SERPINH1: variants seen among roughly 807,000 people sequenced by gnomAD.
SERPINH1 encodes the protein serpin H1.
A neutral mutation model predicts 32.3 loss-of-function variants in SERPINH1; 22 were observed. That is an observed-to-expected ratio of 0.68 (90% confidence interval 0.49 to 0.97). The LOEUF is 0.97. SERPINH1 is among the 50% of genes least tolerant of loss of function. The pLI is 0.00. For synonymous variants in SERPINH1, 251 were observed against 245.9 expected (o/e 1.02, Z -0.19); for missense variants, 543 against 576.4 (o/e 0.94, Z 0.59).
Position 75,571,987 on chromosome 11 carries a change from CT to C in SERPINH1, c.1163del (p.Phe388SerfsTer4), listed in dbSNP as rs780318381. On this transcript the variant is annotated frameshift_variant, in exon 5 of 5. Coordinates refer to ENST00000358171, the MANE Select transcript of SERPINH1 (RefSeq NM_001235.5). LOFTEE classifies it high-confidence loss of function. ...CCAAGCTGTTCTACGCCGACCACCC[CT>C]TCATCTTCCTAGTGCGGGACACCCA... is the stretch of plus-strand genomic sequence containing the variant. ...SPKLFYADHP[F>X]IFLVRDTQSG... The C allele has an allele frequency of 6.2e-7, 1 of 1,614,216 alleles. No homozygotes were observed. Among genetic ancestry groups the C allele is most frequent in the Admixed American group, 1.7e-5 (1 of 60,026 alleles).
chr11:75,569,450 TCTCA>T (rs1468837761), intron 4 of SERPINH1: 6 of 298,502 alleles, frequency 2.0e-5, no homozygotes, highest in Non-Finnish European at 3.7e-5. Context: ...TGAGATGGAG[TCTCA>T]CTCTGTTGCC....
chr11:75,568,727 A>G lies in SERPINH1; in HGVS notation c.623-4A>G, dbSNP rs1199170807. 1.9e-6 allele frequency: 3 copies of G among 1,610,108 alleles called. No individual in the cohort carries two copies. The highest frequency in any genetic ancestry group is 1.1e-5 in the South Asian group (1 of 90,972). ...TCTGACCCTGTGTTTTGCCCCAACT[A>G]CAGCACACTGGGATGAGAAATTCCA... On this transcript the variant is annotated splice_region_variant and splice_polypyrimidine_tract_variant and intron_variant, in intron 2 of 4. Coordinates refer to ENST00000358171, the MANE Select transcript of SERPINH1 (RefSeq NM_001235.5).
rs779144412 is a variant in SERPINH1 at position 75,566,560 on chromosome 11, C to A, written c.211C>A (p.Pro71Thr). ...GGCAGTGGAGAACATCCTGGTGTCA[C>A]CCGTGGTGGTGGCCTCGTCGCTAGG... ...DQAVENILVS[P>T]VVVASSLGLV... The change falls in exon 2 of 5, where the codon CCC (proline) becomes ACC (threonine). Residue 71 changes from proline to threonine, a missense_variant. Around this residue, in one of 3 missense-constraint regions of SERPINH1, gnomAD observed 109 missense variants for 102.4 expected, o/e 1.06. Transcript: ENST00000358171. The A allele has an allele frequency of 6.2e-7, 1 of 1,610,476 alleles. No individual in the cohort carries two copies. The highest frequency in any genetic ancestry group is 8.5e-7 in the Non-Finnish European group (1 of 1,179,494).
intron 4 of SERPINH1, among the ~76,000 whole-genome samples, chr11:75,571,182 C>T (rs531919363): frequency 6.6e-6 from 1 of 152,262 alleles, no homozygotes; most frequent in South Asian, 2.1e-4. Context: ...AAGTGTCTGT[C>T]GCCCAGCTTC....
intron 4 of SERPINH1, chr11:75,569,376 G>A (rs1942158008): frequency 1.3e-5 from 8 of 592,624 alleles, no homozygotes; most frequent in Admixed American, 5.9e-5. Context: ...TAAATATAAC[G>A]GAACATTCCT....
intron 3 of SERPINH1, 24 bp downstream of exon 3, chr11:75,568,853 G>A (rs1303682448): frequency 3.1e-6 from 5 of 1,608,124 alleles, no homozygotes; most frequent in South Asian, 1.1e-5. Context: ...GGAGCAGGGT[G>A]TCAAGGTGGG....
At chr11:75,570,571 G>A (rs1398781874) in intron 4 of SERPINH1, among the ~76,000 whole-genome samples, 1 of 152,202 alleles carries the variant, frequency 6.6e-6, no homozygotes, top group African/African-American at 2.4e-5. Context: ...ATCCGGGTGG[G>A]AAGAGCTGGG....
Position 75,572,498 on chromosome 11 carries a change from C to T in SERPINH1, c.*415C>T, listed in dbSNP as rs561786704. Reference sequence around the variant, plus strand: ...GCTGCCTCCCCAGCTCTATCCCAACCTCTCCCAACTATAAAACTAGGTGCT... The same window carrying T: ...GCTGCCTCCCCAGCTCTATCCCAACTTCTCCCAACTATAAAACTAGGTGCT... On this transcript the variant is annotated 3_prime_UTR_variant, in exon 5 of 5. Coordinates refer to ENST00000358171, the MANE Select transcript of SERPINH1 (RefSeq NM_001235.5). 28 of 277,422 alleles carry T rather than the reference C, an allele frequency of 1.0e-4. No individual in the cohort carries two copies. The highest frequency in any genetic ancestry group is 1.3e-3 in the Middle Eastern group (1 of 754). 17.2% of individuals were successfully genotyped at this position (277,422 alleles called of 1,614,324 possible).
chr11:75,568,886 C>G lies in SERPINH1; in HGVS notation c.722-53C>G. The G allele has an allele frequency of 6.2e-7, 1 of 1,604,476 alleles. No individual in the cohort carries two copies. Among genetic ancestry groups the G allele is most frequent in the Non-Finnish European group, 8.5e-7 (1 of 1,171,370 alleles). On this transcript the variant is annotated intron_variant, in intron 3 of 4. Transcript: ENST00000358171. The stretch of plus-strand genomic sequence containing the variant: ...GGGTGGGGGTCCAAGGGTAGTTGGT[C>G]TGACCCACCCCTGCACACAGGGTGC...
intron 2 of SERPINH1, chr11:75,568,388 C>T (rs2135553922): frequency 5.1e-6 from 2 of 392,948 alleles, no homozygotes; most frequent in Non-Finnish European, 9.7e-6. Flanking sequence ...GTAGAAAGCC[C>T]ACCTCAGAGC....
In SERPINH1 at chr11:75,569,024, C is replaced by T. The variant is rs773342436; in HGVS notation, c.807C>T (p.Ile269=). 12 of 1,614,126 alleles carry T rather than the reference C, an allele frequency of 7.4e-6. No individual in the cohort carries two copies. The highest frequency in any genetic ancestry group is 1.0e-5 in the Non-Finnish European group (12 of 1,180,040). The change falls in exon 4 of 5, where the codon ATC becomes ATT. Residue 269 remains isoleucine, a synonymous_variant. Coordinates refer to ENST00000358171, the MANE Select transcript of SERPINH1 (RefSeq NM_001235.5). The stretch of plus-strand genomic sequence containing the variant: ...CCCACAAGCTCTCCAGCCTCATCAT[C>T]CTCATGCCCCATCACGTGGAGCCTC... ...PLAHKLSSLI[I]LMPHHVEPLE... is the part of the protein sequence containing the mutation.
chr11:75,570,372 G>A (rs994201398), intron 4 of SERPINH1, among the ~76,000 whole-genome samples: 1 of 152,110 alleles, frequency 6.6e-6, no homozygotes, highest in Non-Finnish European at 1.5e-5. Flanking sequence ...AGTTCCTGGA[G>A]AGGGGTCACT....
intron 1 of SERPINH1, among the ~76,000 whole-genome samples, chr11:75,564,034 C>CTGCCCTTCTCCCCAGTAGCGCAT (rs1443125764): frequency 1.3e-5 from 2 of 152,254 alleles, no homozygotes; most frequent in African/African-American, 4.8e-5. Flanking sequence ...TTCAGTGGGG[C>CTGCCCTTCTCCCCAGTAGCGCAT]TGCCCTTCTC....
At chr11:75,570,690 G>A (rs966726972) in intron 4 of SERPINH1, among the ~76,000 whole-genome samples, 4 of 152,278 alleles carry the variant, frequency 2.6e-5, no homozygotes, top group Middle Eastern at 3.4e-3. Context: ...TCCTGGACCC[G>A]GATGCTGCCA....
At chr11:75,571,578 A>C (rs1284503184) in intron 4 of SERPINH1, among the ~76,000 whole-genome samples, 4 of 152,198 alleles carry the variant, frequency 2.6e-5, no homozygotes, top group Non-Finnish European at 4.4e-5. Flanking sequence ...GTGAAGTGGC[A>C]ATTAGAAGCC....
intron 2 of SERPINH1, chr11:75,568,379 T>G: frequency 2.7e-6 from 1 of 375,362 alleles, no homozygotes; most frequent in Non-Finnish European, 5.1e-6. Context: ...CCAGGGAGGG[T>G]AGAAAGCCCA....
intron 2 of SERPINH1, 61 bp from the exon 3 acceptor site, chr11:75,568,670 G>T: frequency 9.0e-7 from 1 of 1,116,472 alleles, no homozygotes; most frequent in Non-Finnish European, 1.4e-6. Context: ...GTGGCTGTGG[G>T]CTGTGATTGT....
chr11:75,563,628 C>G (rs988311210), intron 1 of SERPINH1: 1 of 152,772 alleles, frequency 6.5e-6, no homozygotes, highest in Non-Finnish European at 1.5e-5. Flanking sequence ...TCCAAGGTCC[C>G]TGTAGATTGG....
chr11:75,571,737 C>T (rs1942197386), intron 4 of SERPINH1, 44 bp from the exon 5 acceptor site: 1 of 1,592,778 alleles, frequency 6.3e-7, no homozygotes, highest in African/African-American at 1.3e-5. Flanking sequence ...GTGGAGGAGC[C>T]TGGCAGCCAT....
Sources: gnomAD v4.1 joint callset for allele counts (sites outside exome capture counted in the v4.1 genomes callset) on GRCh38, gnomAD v4.1.1 for gene constraint, gnomAD v4.1.1 regional missense constraint, MANE v1.5 for transcripts, NCBI Gene and HGNC (gene_info 2026-07-23, HGNC 2026-07-21) for gene names.